Variants in NALF1 observed in about 807,000 individuals in gnomAD.
NALF1 encodes the protein family with sequence similarity 155 member A.
In NALF1, 3 loss-of-function variants were observed where a neutral mutation model predicts 48.4. The observed-to-expected ratio is 0.06, with a 90% CI of 0.03 to 0.16. The LOEUF (loss-of-function observed/expected upper bound fraction) is 0.16. NALF1 is among the 10% of genes least tolerant of loss of function. The probability of loss-of-function intolerance (pLI) is 1.00; values close to 1 mark genes in which losing one functional copy is unlikely to be tolerated. For synonymous variants in NALF1, 262 were observed against 245.7 expected (o/e 1.07, Z -0.62); for missense variants, 526 against 571.5 (o/e 0.92, Z 0.81).
chr13:107,194,136 G>A (rs1410860821), intron 2 of NALF1, among the ~76,000 whole-genome samples: 1 of 151,940 alleles, frequency 6.6e-6, no homozygotes, highest in Non-Finnish European at 1.5e-5. Flanking sequence ...AGCCAATGGA[G>A]TCTGTTTTTG....
intron 1 of NALF1, among the ~76,000 whole-genome samples, chr13:107,386,129 C>T (rs1398045453): frequency 6.6e-6 from 1 of 152,108 alleles, no homozygotes; most frequent in African/African-American, 2.4e-5. Context: ...TCTTCCTTTA[C>T]ATGTTTTGTC....
chr13:107,643,475 A>G (rs1366820727), intron 1 of NALF1, among the ~76,000 whole-genome samples: 1 of 151,040 alleles, frequency 6.6e-6, no homozygotes, highest in Non-Finnish European at 1.5e-5. Flanking sequence ...GCTTCCAAAT[A>G]GAGATAAGAA....
intron 1 of NALF1, among the ~76,000 whole-genome samples, chr13:107,594,804 G>A (rs1477809362): frequency 2.0e-5 from 3 of 151,868 alleles, no homozygotes; most frequent in Non-Finnish European, 4.4e-5. Flanking sequence ...TTGAAATGGT[G>A]CTGTCACACT....
intron 1 of NALF1, among the ~76,000 whole-genome samples, chr13:107,502,024 C>A (rs1463377986): frequency 6.6e-6 from 1 of 152,092 alleles, no homozygotes; most frequent in Non-Finnish European, 1.5e-5. Context: ...TGGTTTTAGA[C>A]CCCAACTTTC....
At chr13:107,384,968 C>T (rs527376774) in intron 1 of NALF1, among the ~76,000 whole-genome samples, 89 of 152,316 alleles carry the variant, frequency 5.8e-4, no homozygotes, top group African/African-American at 2.0e-3. Context: ...ACATTATTCC[C>T]TGTAAATCTG....
chr13:107,290,198 A>ACAAAAAAAAAG (rs368525309), intron 1 of NALF1, among the ~76,000 whole-genome samples: 1 of 149,008 alleles, frequency 6.7e-6, no homozygotes. Context: ...AAAAAAAAAA[A>ACAAAAAAAAAG]CCAGAAATAC....
At chr13:107,812,259 C>T (rs1252137575) in intron 1 of NALF1, among the ~76,000 whole-genome samples, 1 of 152,056 alleles carries the variant, frequency 6.6e-6, no homozygotes, top group Non-Finnish European at 1.5e-5. Flanking sequence ...GAAAGTATAA[C>T]TACCAAGTAA....
chr13:107,358,168 ATGTGTGTG>A (rs59782928), intron 1 of NALF1, among the ~76,000 whole-genome samples: 2 of 143,908 alleles, frequency 1.4e-5, no homozygotes, highest in Non-Finnish European at 3.0e-5. Flanking sequence ...TACGTAACAT[ATGTGTGTG>A]TGTGTGTGTG....
At chr13:107,311,636 C>A (rs1057304684) in intron 1 of NALF1, among the ~76,000 whole-genome samples, 3 of 151,334 alleles carry the variant, frequency 2.0e-5, no homozygotes, top group African/African-American at 4.9e-5. Flanking sequence ...TCAGTAAAAG[C>A]CTAAAAATGG....
At chr13:107,246,263 T>C (rs1566462951) in intron 1 of NALF1, among the ~76,000 whole-genome samples, 1 of 152,244 alleles carries the variant, frequency 6.6e-6, no homozygotes, top group Admixed American at 6.5e-5. Context: ...CCAGCTCCTT[T>C]CTGTCTTATA....
chr13:107,267,045 G>T (rs1726642262), intron 1 of NALF1, among the ~76,000 whole-genome samples: 2 of 152,112 alleles, frequency 1.3e-5, no homozygotes, highest in Admixed American at 1.3e-4. Flanking sequence ...GTTAACTGAG[G>T]TCCACAAGTC....
chr13:107,842,868 G>A (rs1159126197), intron 1 of NALF1, among the ~76,000 whole-genome samples: 1 of 152,006 alleles, frequency 6.6e-6, no homozygotes, highest in African/African-American at 2.4e-5. Context: ...ACATCTGCCG[G>A]TGTGATATTT....
At chr13:107,210,556 G>C (rs551161107) in intron 2 of NALF1, 28 bp downstream of exon 2, 17 of 1,514,100 alleles carry the variant, frequency 1.1e-5, no homozygotes, top group South Asian at 9.0e-5. Flanking sequence ...CCGGAGACTG[G>C]TGTACAGACT....
At chr13:107,372,935 C>T (rs1004717159) in intron 1 of NALF1, among the ~76,000 whole-genome samples, 9 of 149,512 alleles carry the variant, frequency 6.0e-5, no homozygotes, top group African/African-American at 2.2e-4. Flanking sequence ...ACAACTGAAT[C>T]GGACCCTAAA....
chr13:107,398,331 G>A (rs781649320), intron 1 of NALF1, among the ~76,000 whole-genome samples: 6 of 148,800 alleles, frequency 4.0e-5, no homozygotes, highest in Non-Finnish European at 8.9e-5. Flanking sequence ...AAATAAAGGC[G>A]ATATGGAATT....
chr13:107,720,449 T>G (rs1875949520), intron 1 of NALF1, among the ~76,000 whole-genome samples: 1 of 127,506 alleles, frequency 7.8e-6, no homozygotes, highest in Admixed American at 1.1e-4. Flanking sequence ...AGGCAGAGGC[T>G]GCAGTGAACC....
chr13:107,208,616 A>G lies in NALF1; in HGVS notation c.1087+1968T>C, dbSNP rs191771559. On this transcript the variant is annotated intron_variant, in intron 2 of 2. Coordinates refer to ENST00000375915, the MANE Select transcript of NALF1 (RefSeq NM_001080396.3). ...ATTGTTCTTCTCTAGGACAAAAGCC[A>G]ATGTGAGTGTAAATGCATAAACACA... Among the ~76,000 whole-genome samples, 394 of 152,316 alleles carry G rather than the reference A, an allele frequency of 2.6e-3. 8 individuals are homozygous for G. The highest frequency in any genetic ancestry group is 0.022 in the Admixed American group (334 of 15,304).
At chr13:107,843,443 C>G (rs537869085) in intron 1 of NALF1, among the ~76,000 whole-genome samples, 5 of 152,262 alleles carry the variant, frequency 3.3e-5, no homozygotes, top group Non-Finnish European at 5.9e-5. Flanking sequence ...AGGACCTCCT[C>G]GAATCTCCCT....
intron 1 of NALF1, among the ~76,000 whole-genome samples, chr13:107,631,715 G>C (rs932452871): frequency 6.6e-6 from 1 of 151,972 alleles, no homozygotes; most frequent in Non-Finnish European, 1.5e-5. Flanking sequence ...AAGACAATTG[G>C]TTTTCTTTAT....
Sources: allele counts gnomAD v4.1 joint callset (sites outside exome capture counted in the v4.1 genomes callset), GRCh38; gene constraint gnomAD v4.1.1; transcripts MANE v1.5; gene names NCBI Gene and HGNC (gene_info 2026-07-23, HGNC 2026-07-21).